The following MYO10 variants were observed in gnomAD, a reference collection of about 807,000 sequenced individuals.
MYO10 encodes the protein myosin X.
MYO10 carries 133 observed loss-of-function variants against 257.3 expected under a neutral mutation model. The observed-to-expected ratio is 0.52, with a 90% CI of 0.45 to 0.60. The LOEUF (loss-of-function observed/expected upper bound fraction) is 0.60. MYO10 is among the 20% of genes least tolerant of loss of function. The probability of loss-of-function intolerance (pLI) is 0.00; values close to 1 mark genes in which losing one functional copy is unlikely to be tolerated. For synonymous variants in MYO10, 1,104 were observed against 1,028.6 expected, an observed-to-expected ratio of 1.07 and a Z score of -1.40; for missense variants, 2,399 against 2,635.7, an observed-to-expected ratio of 0.91 and a Z score of 1.97.
chr5:16,706,122 G>A (rs968463444), intron 21 of MYO10, among the ~76,000 whole-genome samples: 5 of 152,112 alleles, frequency 3.3e-5, no homozygotes, highest in African/African-American at 9.7e-5. Flanking sequence ...GGCAGAGGTT[G>A]CAGTGAGCCA....
chr5:16,772,037 T>G (rs1388692920), intron 9 of MYO10, among the ~76,000 whole-genome samples: 1 of 151,856 alleles, frequency 6.6e-6, no homozygotes, highest in Non-Finnish European at 1.5e-5. Context: ...AAACATTCAC[T>G]ACAGAGTTAC....
chr5:16,811,876 T>C (rs1482451985), intron 3 of MYO10, among the ~76,000 whole-genome samples: 1 of 152,172 alleles, frequency 6.6e-6, no homozygotes, highest in Non-Finnish European at 1.5e-5. Flanking sequence ...ATTGATCTCA[T>C]GCCTTTGTAG....
intron 1 of MYO10, among the ~76,000 whole-genome samples, chr5:16,897,942 C>T (rs1320680469): frequency 1.3e-5 from 2 of 152,328 alleles, no homozygotes; most frequent in Non-Finnish European, 2.9e-5. Context: ...ACTCTGCGGA[C>T]CCTAATCATC....
chr5:16,893,723 A>C (rs942094606), intron 1 of MYO10, among the ~76,000 whole-genome samples: 3 of 152,066 alleles, frequency 2.0e-5, no homozygotes, highest in African/African-American at 7.3e-5. Context: ...GTTGGGTTCA[A>C]CAGAGACTTT....
intron 29 of MYO10, 35 bp downstream of exon 29, chr5:16,685,703 A>G (rs770894746): frequency 2.4e-6 from 3 of 1,266,150 alleles, no homozygotes; most frequent in African/African-American, 1.5e-5. Flanking sequence ...CTGCCCCTAG[A>G]CGCCCCACCC....
rs1321708581 is a variant in MYO10, at chr5:16,662,773, C to T, written c.*3919G>A. On this transcript the variant is annotated 3_prime_UTR_variant, in exon 41 of 41. Coordinates refer to ENST00000513610, the MANE Select transcript of MYO10 (RefSeq NM_012334.3). ...AATCATGGGGGTGGGTTTTCCCATG[C>T]TGTTCTTGTCCATAGTGAGTATGTC... The T allele has an allele frequency of 6.6e-6, 1 of 152,106 alleles. No individual in the cohort carries two copies. The highest frequency in any genetic ancestry group is 1.5e-5 in the Non-Finnish European group (1 of 68,030). The allele number at this position is 152,106 out of a possible 1,614,324, so 9.4% of individuals were successfully genotyped here. A position where few individuals can be genotyped will look rare whatever the true frequency, so the allele number is the denominator to read the frequency against.
chr5:16,681,291 G>T lies in MYO10; in HGVS notation c.4384+18C>A, dbSNP rs964083379. The T allele has an allele frequency of 1.3e-6, 2 of 1,598,586 alleles. No individual in the cohort carries two copies. Among genetic ancestry groups the T allele is most frequent in the African/African-American group, 2.7e-5 (2 of 74,100 alleles). ...TTTAAGATTTGATGCTCAGGGTTCG[G>T]GCAGCCAGCCTGGTTACCTGTCTCT... is the stretch of plus-strand genomic sequence containing the variant. On this transcript the variant is annotated intron_variant, in intron 32 of 40. Transcript: ENST00000513610.
At chr5:16,738,711 T>C (rs1385271273) in intron 19 of MYO10, among the ~76,000 whole-genome samples, 2 of 151,758 alleles carry the variant, frequency 1.3e-5, no homozygotes, top group Admixed American at 6.6e-5. Flanking sequence ...GCCAACATGG[T>C]GAAACCCTGT....
intron 40 of MYO10, among the ~76,000 whole-genome samples, chr5:16,667,445 C>T (rs1736225461): frequency 6.6e-6 from 1 of 152,130 alleles, no homozygotes; most frequent in East Asian, 1.9e-4. Flanking sequence ...CCTTCCAGTC[C>T]CACCCCAGAG....
chr5:16,914,551 T>C (rs1208182696), intron 1 of MYO10, among the ~76,000 whole-genome samples: 1 of 152,232 alleles, frequency 6.6e-6, no homozygotes, highest in African/African-American at 2.4e-5. Context: ...AGTCTACTAC[T>C]TTTGTTTTGC....
At chr5:16,935,656 G>T in intron 1 of MYO10, 132 bp downstream of exon 1, 2 of 1,009,420 alleles carry the variant, frequency 2.0e-6, no homozygotes, top group African/African-American at 1.6e-5. Flanking sequence ...GGGATGGGGG[G>T]TGATTTCAGG....
In MYO10 at chr5:16,701,820, G is replaced by C; in HGVS notation, c.2575C>G (p.Gln859Glu). 1.2e-6 allele frequency: 2 copies of C among 1,603,814 alleles called. No individual in the cohort carries two copies. Among genetic ancestry groups the C allele is most frequent in the Non-Finnish European group, 1.7e-6 (2 of 1,176,488 alleles). Residue 859 changes from glutamine (Q) to glutamate (E), a missense_variant, in exon 25 of 41, where the codon CAG (glutamine) becomes GAG (glutamate). Around this residue, in one of 3 missense-constraint regions of MYO10, gnomAD observed 1,820 missense variants for 1,939.4 expected, o/e 0.94. Transcript: ENST00000513610. This position sits in a 1 kb window ranked among gnomAD's most constrained non-coding sequence, Gnocchi z 8.1. Reference sequence around the variant, plus strand: ...TTCTGCAAGGCTTCGAGTTCTTGCTGCTTCCTCGTTTCTTCTTCCTGGACA... The same window carrying C: ...TTCTGCAAGGCTTCGAGTTCTTGCTCCTTCCTCGTTTCTTCTTCCTGGACA... ...RAQQEEETRK[Q>E]QELEALQKSQ...
intron 4 of MYO10, among the ~76,000 whole-genome samples, chr5:16,783,674 G>A (rs781681738): frequency 6.6e-6 from 1 of 152,128 alleles, no homozygotes; most frequent in Non-Finnish European, 1.5e-5. Context: ...GGCCTTACTC[G>A]CCTCTTTTGG....
At chr5:16,908,222 G>A (rs1034896562) in intron 1 of MYO10, among the ~76,000 whole-genome samples, 2 of 150,674 alleles carry the variant, frequency 1.3e-5, no homozygotes, top group Non-Finnish European at 2.9e-5. Flanking sequence ...GTGACAGAGT[G>A]AGACTCTTGC....
At chr5:16,846,869 G>A (rs1164938190) in intron 2 of MYO10, among the ~76,000 whole-genome samples, 4 of 152,246 alleles carry the variant, frequency 2.6e-5, no homozygotes, top group Non-Finnish European at 4.4e-5. Flanking sequence ...TGTAATCCCA[G>A]CACTTTGGGA....
chr5:16,862,987 G>A (rs777568381), intron 2 of MYO10, among the ~76,000 whole-genome samples: 20 of 152,176 alleles, frequency 1.3e-4, no homozygotes, highest in Non-Finnish European at 2.4e-4. Flanking sequence ...AAGACTGGAA[G>A]GATAGGCCGG....
rs553149007 is a variant in MYO10, at chr5:16,690,298, G to A, written c.3801-379C>T. 1.6e-4 allele frequency among the ~76,000 whole-genome samples: 24 copies of A among 152,292 alleles called. No individual in the cohort carries two copies. In the East Asian group the frequency reaches 1.9e-3, roughly 12 times the overall value. On this transcript the variant is annotated intron_variant, in intron 27 of 40. Coordinates refer to ENST00000513610, the MANE Select transcript of MYO10 (RefSeq NM_012334.3). ...CTACATCCTTTTATAGCAGGAACTC[G>A]AGCATCTGGGGATTTTGATGGCTGC...
At chr5:16,765,429 C>G (rs1740834957) in intron 11 of MYO10, among the ~76,000 whole-genome samples, 1 of 152,152 alleles carries the variant, frequency 6.6e-6, no homozygotes, top group Admixed American at 6.5e-5. Context: ...TTGCACACAG[C>G]CTATTGTGGG....
intron 19 of MYO10, among the ~76,000 whole-genome samples, chr5:16,730,608 C>T (rs1739542584): frequency 2.0e-5 from 3 of 152,124 alleles, no homozygotes; most frequent in South Asian, 4.2e-4. Context: ...GTACGGGATG[C>T]CAAAACCAGA....
Sources: allele counts gnomAD v4.1 joint callset (sites outside exome capture counted in the v4.1 genomes callset), GRCh38; gene constraint gnomAD v4.1.1; regional missense constraint gnomAD v4.1.1; non-coding constraint Gnocchi (gnomAD v3.1); transcripts MANE v1.5; gene names NCBI Gene and HGNC (gene_info 2026-07-23, HGNC 2026-07-21).